The following RBFOX1 variants were observed in gnomAD, a reference collection of about 807,000 sequenced individuals.
The protein encoded by RBFOX1 is RNA binding protein fox-1 homolog 1.
Under a neutral mutation model 57.7 loss-of-function variants are expected in RBFOX1, and 8 were observed. The observed-to-expected ratio is 0.14, with a 90% CI of 0.08 to 0.25. The LOEUF (loss-of-function observed/expected upper bound fraction) is 0.25. Ranked by LOEUF, RBFOX1 falls within the 10% of genes least tolerant of loss-of-function variation. The pLI is 1.00. For synonymous variants in RBFOX1, 326 were observed against 222.4 expected (o/e 1.47, Z -4.15); for missense variants, 611 against 548.5 (o/e 1.11, Z -1.14).
chr16:6,087,657 C>CTTT (rs199760935), intron 1 of RBFOX1, among the ~76,000 whole-genome samples: 1 of 142,914 alleles, frequency 7.0e-6, no homozygotes, highest in Non-Finnish European at 1.5e-5. Flanking sequence ...ATTTATCTTA[C>CTTT]TTTTTTTTTT....
At chr16:7,078,244 T>C (rs528101219) in intron 4 of RBFOX1, among the ~76,000 whole-genome samples, 1 of 152,340 alleles carries the variant, frequency 6.6e-6, no homozygotes, top group African/African-American at 2.4e-5. Context: ...ACAGAGTTTT[T>C]TGGTGTTAGA....
At chr16:6,761,634 G>A (rs1427781118) in intron 3 of RBFOX1, among the ~76,000 whole-genome samples, 4 of 147,196 alleles carry the variant, frequency 2.7e-5, no homozygotes, top group Admixed American at 7.0e-5. Flanking sequence ...AGCCTCCCAA[G>A]TGGCTGGGAT....
At chr16:6,995,699 T>G (rs1450205377) in intron 3 of RBFOX1, among the ~76,000 whole-genome samples, 7 of 151,826 alleles carry the variant, frequency 4.6e-5, no homozygotes, top group Non-Finnish European at 5.9e-5. Flanking sequence ...GCACAGAGGT[T>G]GCAGTGAGCC....
chr16:5,985,201 C>G (rs953196849), intron 4 of RBFOX1, among the ~76,000 whole-genome samples: 5 of 151,274 alleles, frequency 3.3e-5, no homozygotes, highest in Non-Finnish European at 5.9e-5. Context: ...ACCGTGTTAG[C>G]CAGGATGGTC....
At chr16:6,293,395 C>G (rs2077678406) in intron 1 of RBFOX1, among the ~76,000 whole-genome samples, 1 of 152,148 alleles carries the variant, frequency 6.6e-6, no homozygotes, top group Non-Finnish European at 1.5e-5. Context: ...CTTTTTCCCT[C>G]AAATATTCCT....
intron 3 of RBFOX1, among the ~76,000 whole-genome samples, chr16:5,866,760 G>A (rs2151895895): frequency 6.6e-6 from 1 of 152,286 alleles, no homozygotes; most frequent in South Asian, 2.1e-4. Flanking sequence ...GGTCATAAAA[G>A]TTATTCAAGG....
chr16:5,932,536 C>G (rs948075283), intron 4 of RBFOX1, among the ~76,000 whole-genome samples: 3 of 152,110 alleles, frequency 2.0e-5, no homozygotes, highest in South Asian at 2.1e-4. Flanking sequence ...GAACTGTGAG[C>G]GAATGAGTGA....
chr16:6,321,696 A>G (rs769471210), intron 2 of RBFOX1, among the ~76,000 whole-genome samples: 28 of 152,186 alleles, frequency 1.8e-4, no homozygotes, highest in Admixed American at 3.9e-4. Context: ...AGATAGAGGG[A>G]TGGAAGAATG....
intron 1 of RBFOX1, among the ~76,000 whole-genome samples, chr16:6,185,881 A>G (rs1437811881): frequency 6.6e-6 from 1 of 152,218 alleles, no homozygotes; most frequent in African/African-American, 2.4e-5. Flanking sequence ...AAGAAGGAAG[A>G]CAGGAACCTT....
intron 3 of RBFOX1, among the ~76,000 whole-genome samples, chr16:6,748,543 G>C (rs1435549985): frequency 6.6e-6 from 1 of 152,120 alleles, no homozygotes; most frequent in Non-Finnish European, 1.5e-5. Flanking sequence ...GCATGCATTT[G>C]TAGTCCCAGC....
chr16:6,518,370 T>C (rs2096423084), intron 2 of RBFOX1, among the ~76,000 whole-genome samples: 2 of 152,158 alleles, frequency 1.3e-5, no homozygotes, highest in African/African-American at 4.8e-5. Context: ...CAAGGCTTTC[T>C]GTGGGTGTCA....
chr16:6,591,716 T>G (rs2097713722), intron 2 of RBFOX1, among the ~76,000 whole-genome samples: 1 of 152,208 alleles, frequency 6.6e-6, no homozygotes, highest in Non-Finnish European at 1.5e-5. Context: ...CTATCTAATT[T>G]GTACTATTAT....
intron 13 of RBFOX1, among the ~76,000 whole-genome samples, chr16:7,672,876 A>AAAAAAAAAAAAAAAC: frequency 6.7e-6 from 1 of 149,628 alleles, no homozygotes; most frequent in African/African-American, 2.5e-5. Flanking sequence ...AAAAAAAAAA[A>AAAAAAAAAAAAAAAC]AAAAAAAAAA....
At chr16:6,006,107 A>G (rs1252539959) in intron 4 of RBFOX1, among the ~76,000 whole-genome samples, 2 of 152,228 alleles carry the variant, frequency 1.3e-5, no homozygotes, top group African/African-American at 4.8e-5. Flanking sequence ...GTGTGTTAAC[A>G]TTTGTGTTGT....
chr16:7,113,960 A>G (rs907513800), intron 4 of RBFOX1, among the ~76,000 whole-genome samples: 3 of 152,170 alleles, frequency 2.0e-5, no homozygotes, highest in African/African-American at 7.2e-5. Context: ...TTTAAAAAAA[A>G]TCACTTGTGC....
chr16:5,778,313 A>G (rs2054211676), intron 3 of RBFOX1, among the ~76,000 whole-genome samples: 1 of 152,016 alleles, frequency 6.6e-6, no homozygotes, highest in Non-Finnish European at 1.5e-5. Flanking sequence ...AGTTTCCATG[A>G]TCTCATCTGA....
At chr16:6,515,420 C>T (rs1321122836) in intron 2 of RBFOX1, among the ~76,000 whole-genome samples, 1 of 152,160 alleles carries the variant, frequency 6.6e-6, no homozygotes. Flanking sequence ...ATTTAGAGTC[C>T]TCCCATTTTG....
chr16:7,578,733 G>A (rs1160384484), intron 5 of RBFOX1, among the ~76,000 whole-genome samples: 1 of 152,076 alleles, frequency 6.6e-6, no homozygotes, highest in Non-Finnish European at 1.5e-5. Flanking sequence ...GGTATCTGAT[G>A]TGGATGGCAT....
chr16:5,340,794 C>G (rs1234159460), intron 1 of RBFOX1, among the ~76,000 whole-genome samples: 2 of 152,188 alleles, frequency 1.3e-5, no homozygotes, highest in Admixed American at 6.5e-5. Context: ...TAAGACAGAT[C>G]AATTTCCTAT....
Sources: gnomAD v4.1 joint callset for allele counts (sites outside exome capture counted in the v4.1 genomes callset) on GRCh38, gnomAD v4.1.1 for gene constraint, MANE v1.5 for transcripts, NCBI Gene and HGNC (gene_info 2026-07-23, HGNC 2026-07-21) for gene names.